Variants in AP3S1 observed in about 807,000 individuals in gnomAD.
AP3S1 encodes adaptor related protein complex 3 subunit sigma 1.
In AP3S1, 12 loss-of-function variants were observed where a neutral mutation model predicts 21.3. The ratio of observed to expected loss-of-function variants is 0.56; its 90% CI spans 0.36 to 0.91. The LOEUF (loss-of-function observed/expected upper bound fraction) is 0.91. AP3S1 is among the 40% of genes least tolerant of loss of function. The probability of loss-of-function intolerance (pLI) is 0.01; values close to 1 mark genes in which losing one functional copy is unlikely to be tolerated. For synonymous variants in AP3S1, 48 were observed against 78.4 expected, an observed-to-expected ratio of 0.61 and a Z score of 2.05; for missense variants, 116 against 225.0, an observed-to-expected ratio of 0.52 and a Z score of 3.10.
chr5:115,866,997 G>T (rs893885074), intron 2 of AP3S1, among the ~76,000 whole-genome samples: 1 of 151,904 alleles, frequency 6.6e-6, no homozygotes, highest in Non-Finnish European at 1.5e-5. Flanking sequence ...ATATTAAATC[G>T]TAAAAATTCC....
At chr5:115,896,624 C>T (rs1174403450) in intron 4 of AP3S1, among the ~76,000 whole-genome samples, 1 of 151,952 alleles carries the variant, frequency 6.6e-6, no homozygotes, top group African/African-American at 2.4e-5. Context: ...ACAAAAAATA[C>T]AAAAATTAGC....
At chr5:115,907,568 T>G (rs1394581736) in intron 5 of AP3S1, among the ~76,000 whole-genome samples, 1 of 152,126 alleles carries the variant, frequency 6.6e-6, no homozygotes, top group East Asian at 1.9e-4. Flanking sequence ...AATTACCAAA[T>G]TACCAAATCA....
chr5:115,878,423 A>G (rs192020032), intron 3 of AP3S1, among the ~76,000 whole-genome samples: 1 of 138,328 alleles, frequency 7.2e-6, no homozygotes, highest in East Asian at 2.1e-4. Context: ...GCATATGGCT[A>G]GCCAGTTTTC....
chr5:115,897,509 T>C (rs1309062084), intron 4 of AP3S1, among the ~76,000 whole-genome samples: 1 of 152,176 alleles, frequency 6.6e-6, no homozygotes, highest in African/African-American at 2.4e-5. Flanking sequence ...TTTCAACTTT[T>C]AAGCAGCTCT....
chr5:115,912,390 G>T (rs1020948604), intron 5 of AP3S1, among the ~76,000 whole-genome samples: 5 of 151,908 alleles, frequency 3.3e-5, no homozygotes, highest in Non-Finnish European at 7.4e-5. Context: ...AATGTAATTG[G>T]TATATAAATT....
At chr5:115,859,439 A>G (rs1198150746) in intron 1 of AP3S1, among the ~76,000 whole-genome samples, 1 of 152,158 alleles carries the variant, frequency 6.6e-6, no homozygotes, top group Non-Finnish European at 1.5e-5. Context: ...TAACAACCTG[A>G]TCATCTGGGA....
intron 5 of AP3S1, among the ~76,000 whole-genome samples, chr5:115,912,691 AT>A (rs1288616986): frequency 6.6e-6 from 1 of 151,998 alleles, no homozygotes; most frequent in East Asian, 1.9e-4. Context: ...TAATCGTTAT[AT>A]TTTTACTAAT....
intron 3 of AP3S1, among the ~76,000 whole-genome samples, chr5:115,887,163 C>T (rs2112890239): frequency 6.6e-6 from 1 of 152,200 alleles, no homozygotes; most frequent in Non-Finnish European, 1.5e-5. Flanking sequence ...GTTTGTCTTC[C>T]CTAGCTCTGC....
At chr5:115,877,912 T>G (rs1461840250) in intron 3 of AP3S1, among the ~76,000 whole-genome samples, 1 of 152,230 alleles carries the variant, frequency 6.6e-6, no homozygotes, top group African/African-American at 2.4e-5. Context: ...TGAGATGGTA[T>G]CTCATTGTGG....
chr5:115,872,009 G>A (rs1034245640), intron 3 of AP3S1, among the ~76,000 whole-genome samples: 3 of 152,122 alleles, frequency 2.0e-5, no homozygotes, highest in African/African-American at 7.2e-5. Flanking sequence ...CTGTGGCTAA[G>A]GCTTTAAAAA....
chr5:115,844,023 C>T (rs558371845), intron 1 of AP3S1, among the ~76,000 whole-genome samples: 1 of 152,170 alleles, frequency 6.6e-6, no homozygotes, highest in East Asian at 1.9e-4. Flanking sequence ...GGTCACTGGC[C>T]GTTTATAGGT....
intron 3 of AP3S1, among the ~76,000 whole-genome samples, chr5:115,894,852 C>CT (rs1486774732): frequency 4.6e-5 from 7 of 151,912 alleles, no homozygotes; most frequent in Admixed American, 4.6e-4. Flanking sequence ...AGTTTTAGTC[C>CT]TTTTCAAAAA....
chr5:115,857,116 A>G (rs1762855755), intron 1 of AP3S1, among the ~76,000 whole-genome samples: 1 of 152,234 alleles, frequency 6.6e-6, no homozygotes, highest in Admixed American at 6.5e-5. Flanking sequence ...ACATAGTTAA[A>G]GGTTAGCACA....
chr5:115,879,629 T>G (rs1424803860), intron 3 of AP3S1, among the ~76,000 whole-genome samples: 1 of 152,232 alleles, frequency 6.6e-6, no homozygotes, highest in African/African-American at 2.4e-5. Flanking sequence ...TTCGCATCAA[T>G]GTTCATCAGG....
chr5:115,877,653 G>A (rs1580682834), intron 3 of AP3S1, among the ~76,000 whole-genome samples: 1 of 152,132 alleles, frequency 6.6e-6, no homozygotes, highest in Admixed American at 6.5e-5. Context: ...CGGTGCTGCA[G>A]TAAACATATG....
At chr5:115,856,316 TTTC>T in intron 1 of AP3S1, among the ~76,000 whole-genome samples, 1 of 152,328 alleles carries the variant, frequency 6.6e-6, no homozygotes, top group African/African-American at 2.4e-5. Context: ...TGTTTTCTTT[TTTC>T]TTCATTTTTA....
Position 115,902,877 on chromosome 5 carries a change from C to G in AP3S1, c.346-8C>G. The G allele has an allele frequency of 3.2e-6, 1 of 309,740 alleles. No homozygotes were observed. Among genetic ancestry groups the G allele is most frequent in the African/African-American group, 2.6e-5 (1 of 38,726 alleles). The allele number at this position is 309,740 out of a possible 1,614,324, so 19.2% of individuals were successfully genotyped here. A position where few individuals can be genotyped will look rare whatever the true frequency, so the allele number is the denominator to read the frequency against. ...CTTTATGGGTATATATTCTTTTATT[C>G]CCTTTAGGTTCACAATATTCTTGCA... is the stretch of plus-strand genomic sequence containing the variant. On this transcript the variant is annotated splice_polypyrimidine_tract_variant and splice_region_variant and intron_variant, in intron 4 of 5. Coordinates refer to ENST00000316788, the MANE Select transcript of AP3S1 (RefSeq NM_001284.4).
intron 3 of AP3S1, among the ~76,000 whole-genome samples, chr5:115,887,381 A>G (rs1265184192): frequency 6.9e-6 from 1 of 144,112 alleles, no homozygotes; most frequent in African/African-American, 2.6e-5. Flanking sequence ...TTTTTCATTT[A>G]TTATTGTAGA....
At position 115,913,823 on chromosome 5, in the gene AP3S1, A is replaced by G. The variant is rs1260361130; in HGVS notation, c.*333A>G. Reference sequence around the variant, plus strand: ...ATATTTCTCTAATTATGTACAACCTAAAATGTTGGTGTTTTGTATGGATCA... The same window carrying G: ...ATATTTCTCTAATTATGTACAACCTGAAATGTTGGTGTTTTGTATGGATCA... On this transcript the variant is annotated 3_prime_UTR_variant, in exon 6 of 6. Coordinates refer to ENST00000316788, the MANE Select transcript of AP3S1 (RefSeq NM_001284.4). The G allele has an allele frequency of 1.8e-5, 4 of 222,812 alleles. No homozygotes were observed. The East Asian group carries it at 4.7e-4, about 26-fold the overall frequency. The allele number at this position is 222,812 out of a possible 1,614,324, so 13.8% of individuals were successfully genotyped here.
Sources: gnomAD v4.1 joint callset for allele counts (sites outside exome capture counted in the v4.1 genomes callset) on GRCh38, gnomAD v4.1.1 for gene constraint, MANE v1.5 for transcripts, NCBI Gene and HGNC (gene_info 2026-07-23, HGNC 2026-07-21) for gene names.